EVI5: variants seen among roughly 807,000 people sequenced by gnomAD.
EVI5 encodes the protein ecotropic viral integration site 5.
Under a neutral mutation model 112.0 loss-of-function variants are expected in EVI5, and 73 were observed. The ratio of observed to expected loss-of-function variants is 0.65; its 90% CI spans 0.54 to 0.79. The LOEUF (loss-of-function observed/expected upper bound fraction) is 0.79. Ranked by LOEUF, EVI5 falls within the 30% of genes least tolerant of loss-of-function variation. EVI5 has a pLI of 0.00. For missense variants in EVI5, 900 were observed against 968.8 expected (o/e 0.93, Z 0.94); for synonymous variants, 305 against 319.9 (o/e 0.95, Z 0.50).
intron 19 of EVI5, among the ~76,000 whole-genome samples, chr1:92,536,654 C>A (rs1394390113): frequency 6.6e-6 from 1 of 152,068 alleles, no homozygotes; most frequent in East Asian, 1.9e-4. Context: ...ACAGAAATTT[C>A]TTTTGTGAAA....
intron 10 of EVI5, among the ~76,000 whole-genome samples, chr1:92,671,247 C>T (rs1396855795): frequency 6.6e-6 from 1 of 152,108 alleles, no homozygotes; most frequent in Non-Finnish European, 1.5e-5. Context: ...TTTCTCCATC[C>T]TCATTTCACA....
At chr1:92,525,000 G>C (rs889367366) in intron 19 of EVI5, among the ~76,000 whole-genome samples, 2 of 151,818 alleles carry the variant, frequency 1.3e-5, no homozygotes, top group Non-Finnish European at 2.9e-5. Context: ...GCTAATTTTT[G>C]TATTTTTGGT....
intron 19 of EVI5, among the ~76,000 whole-genome samples, chr1:92,557,277 CTTTTTTCTTTTTCTT>C (rs1667821272): frequency 6.6e-6 from 1 of 150,864 alleles, no homozygotes; most frequent in Admixed American, 6.6e-5. Flanking sequence ...TTACATTTCT[CTTTTTTCTTTTTCTT>C]TTTTTGTTTT....
chr1:92,682,483 C>A (rs1475773101), intron 9 of EVI5, among the ~76,000 whole-genome samples: 2 of 152,150 alleles, frequency 1.3e-5, no homozygotes, highest in African/African-American at 4.8e-5. Flanking sequence ...AGTCTTCGGC[C>A]AGGCATGGTG....
At chr1:92,581,009 T>G (rs1156578764) in intron 18 of EVI5, among the ~76,000 whole-genome samples, 1 of 152,218 alleles carries the variant, frequency 6.6e-6, no homozygotes, top group African/African-American at 2.4e-5. Flanking sequence ...TTCTTTCTGC[T>G]AAATAATAAT....
At chr1:92,533,908 T>C (rs1036261674) in intron 19 of EVI5, among the ~76,000 whole-genome samples, 9 of 152,172 alleles carry the variant, frequency 5.9e-5, no homozygotes, top group African/African-American at 2.2e-4. Context: ...CTAGTCAACA[T>C]AGTGTTGGAA....
At chr1:92,745,125 G>A (rs1163345491) in intron 1 of EVI5, among the ~76,000 whole-genome samples, 2 of 141,740 alleles carry the variant, frequency 1.4e-5, no homozygotes, top group African/African-American at 2.7e-5. Context: ...TTTTGGTAGA[G>A]ACAGGGTTTC....
At chr1:92,770,243 C>T (rs1683179339) in intron 1 of EVI5, among the ~76,000 whole-genome samples, 1 of 152,196 alleles carries the variant, frequency 6.6e-6, no homozygotes, top group Non-Finnish European at 1.5e-5. Context: ...TAATTTGTTA[C>T]AGCCGCACAG....
At chr1:92,630,631 T>C (rs1471134025) in intron 14 of EVI5, among the ~76,000 whole-genome samples, 9 of 152,170 alleles carry the variant, frequency 5.9e-5, no homozygotes, top group South Asian at 4.1e-4. Context: ...CTGTTCACTC[T>C]GATGGTAGTT....
intron 13 of EVI5, chr1:92,647,222 T>C (rs559811757): frequency 1.8e-5 from 3 of 166,456 alleles, no homozygotes; most frequent in Admixed American, 5.9e-5. Context: ...GCCTTAGTGA[T>C]GCAAGGCTGC....
intron 2 of EVI5, among the ~76,000 whole-genome samples, chr1:92,725,443 T>C (rs1156266216): frequency 6.6e-6 from 1 of 152,114 alleles, no homozygotes; most frequent in South Asian, 2.1e-4. Flanking sequence ...AGAATATTTA[T>C]AGGAAAATAG....
At chr1:92,771,062 C>T (rs1683348860) in intron 1 of EVI5, among the ~76,000 whole-genome samples, 1 of 151,880 alleles carries the variant, frequency 6.6e-6, no homozygotes, top group Non-Finnish European at 1.5e-5. Context: ...GTGATCCACC[C>T]ACCTCGGCCT....
At chr1:92,749,165 C>A in intron 1 of EVI5, 1 of 270,290 alleles carries the variant, frequency 3.7e-6, no homozygotes, top group South Asian at 3.8e-5. Flanking sequence ...GTATTATAGT[C>A]ATGATGATAA....
chr1:92,593,103 CAG>C (rs1674274780), intron 18 of EVI5, among the ~76,000 whole-genome samples: 2 of 152,148 alleles, frequency 1.3e-5, no homozygotes, highest in African/African-American at 4.8e-5. Flanking sequence ...CAAAGCCTGG[CAG>C]AGACACAACA....
chr1:92,593,371 C>T (rs554200621), intron 18 of EVI5, among the ~76,000 whole-genome samples: 64 of 152,144 alleles, frequency 4.2e-4, no homozygotes, highest in African/African-American at 1.4e-3. Flanking sequence ...ATTCAACAAC[C>T]CTTCATGCTA....
chr1:92,777,158 A>C (rs552126114), intron 1 of EVI5, among the ~76,000 whole-genome samples: 13 of 151,906 alleles, frequency 8.6e-5, no homozygotes, highest in African/African-American at 3.1e-4. Context: ...GGCTGGTCTT[A>C]AACTCCTGAC....
At chr1:92,530,258 G>C (rs533268559) in intron 19 of EVI5, among the ~76,000 whole-genome samples, 62 of 152,214 alleles carry the variant, frequency 4.1e-4, no homozygotes, top group African/African-American at 1.5e-3. Flanking sequence ...TCTGGGCAGG[G>C]CATCTCTGAA....
chr1:92,565,828 G>C (rs115830856), intron 18 of EVI5, among the ~76,000 whole-genome samples: 3,111 of 151,234 alleles, frequency 0.021, 120 homozygotes, highest in African/African-American at 0.071. Flanking sequence ...CGATTAGCCG[G>C]GTGTGGTAGT....
At chr1:92,741,480 C>G (rs10735784) in intron 1 of EVI5, among the ~76,000 whole-genome samples, 136,994 of 152,196 alleles carry the variant, frequency 0.9, 61,775 homozygotes, top group East Asian at 0.97. Context: ...CTAAAGCCTG[C>G]AGATTCCAAA....
Sources: gnomAD v4.1 joint callset for allele counts (sites outside exome capture counted in the v4.1 genomes callset) on GRCh38, gnomAD v4.1.1 for gene constraint, MANE v1.5 for transcripts, NCBI Gene and HGNC (gene_info 2026-07-23, HGNC 2026-07-21) for gene names.